The following ANKRD11 variants were observed in gnomAD, a reference collection of about 807,000 sequenced individuals.
The protein encoded by ANKRD11 is ankyrin repeat domain-containing protein 11.
ANKRD11 carries 17 observed loss-of-function variants against 195.7 expected under a neutral mutation model. The ratio of observed to expected loss-of-function variants is 0.09; its 90% CI spans 0.06 to 0.13. The LOEUF (loss-of-function observed/expected upper bound fraction) is 0.13. Ranked by LOEUF, ANKRD11 falls within the 10% of genes least tolerant of loss-of-function variation. The probability of loss-of-function intolerance (pLI) is 1.00; values close to 1 mark genes in which losing one functional copy is unlikely to be tolerated. For missense variants in ANKRD11, 3,735 were observed against 3,566.1 expected (o/e 1.05, Z -1.21); for synonymous variants, 1,953 against 1,528.1 (o/e 1.28, Z -6.49).
chr16:89,300,690 A>T (rs1051298756), intron 4 of ANKRD11: 1 of 541,696 alleles, frequency 1.8e-6, no homozygotes, highest in African/African-American at 2.0e-5. Flanking sequence ...TATCTGAGGC[A>T]CCAGGAACAA....
intron 3 of ANKRD11, among the ~76,000 whole-genome samples, chr16:89,314,268 A>AACAACAACAAC (rs1208347881): frequency 3.4e-5 from 5 of 146,780 alleles, no homozygotes; most frequent in African/African-American, 5.4e-5. Flanking sequence ...CAAACAAACA[A>AACAACAACAAC]ACAACAACAA....
chr16:89,270,501 G>T, intron 12 of ANKRD11: 1 of 427,938 alleles, frequency 2.3e-6, no homozygotes, highest in East Asian at 5.0e-5. Flanking sequence ...GAGGGTGAAT[G>T]CTGGGACCTT....
At chr16:89,429,011 C>A (rs2042851482) in intron 1 of ANKRD11, among the ~76,000 whole-genome samples, 2 of 152,048 alleles carry the variant, frequency 1.3e-5, no homozygotes, top group South Asian at 4.1e-4. Flanking sequence ...ATGCAATGAA[C>A]AGAATGTAAA....
chr16:89,322,510 G>A (rs921478386), intron 2 of ANKRD11, among the ~76,000 whole-genome samples: 1 of 152,232 alleles, frequency 6.6e-6, no homozygotes, highest in Non-Finnish European at 1.5e-5. Context: ...AGAGGCCCAG[G>A]AGGAGGAAGA....
chr16:89,487,651 G>A (rs940228333), intron 1 of ANKRD11, among the ~76,000 whole-genome samples: 2 of 152,034 alleles, frequency 1.3e-5, no homozygotes, highest in Admixed American at 6.6e-5. Context: ...GTGGGCGCCT[G>A]TAATCCCAGC....
intron 2 of ANKRD11, among the ~76,000 whole-genome samples, chr16:89,402,840 G>C (rs1029778623): frequency 6.6e-6 from 1 of 150,416 alleles, no homozygotes; most frequent in African/African-American, 2.5e-5. Context: ...ACTGCGGGAG[G>C]AGGTGGGCGG....
At chr16:89,358,071 G>A (rs1038833986) in intron 2 of ANKRD11, among the ~76,000 whole-genome samples, 4 of 152,192 alleles carry the variant, frequency 2.6e-5, no homozygotes, top group African/African-American at 9.7e-5. Context: ...AAGTGAGTGA[G>A]GCACCAGATG....
chr16:89,330,397 G>A (rs1228131863), intron 2 of ANKRD11, among the ~76,000 whole-genome samples: 1 of 152,010 alleles, frequency 6.6e-6, no homozygotes, highest in Non-Finnish European at 1.5e-5. Context: ...TTCCCAGGTG[G>A]CCGCTCGCAC....
chr16:89,361,098 G>A (rs1187743453), intron 2 of ANKRD11, among the ~76,000 whole-genome samples: 1 of 152,154 alleles, frequency 6.6e-6, no homozygotes, highest in Non-Finnish European at 1.5e-5. Context: ...TACTCTCATT[G>A]TGGAAACCTG....
At chr16:89,289,954 C>T (rs1213614744) in intron 6 of ANKRD11, among the ~76,000 whole-genome samples, 1 of 152,238 alleles carries the variant, frequency 6.6e-6, no homozygotes. Context: ...CGCTTGAGCC[C>T]AGGAGTTCAA....
intron 1 of ANKRD11, among the ~76,000 whole-genome samples, chr16:89,462,402 A>G (rs75118850): frequency 9.9e-5 from 15 of 152,168 alleles, no homozygotes; most frequent in African/African-American, 3.1e-4. Context: ...GTGCAGTGGC[A>G]TGATCTCGGC....
intron 3 of ANKRD11, among the ~76,000 whole-genome samples, chr16:89,309,666 G>A (rs577492144): frequency 1.3e-5 from 2 of 152,214 alleles, no homozygotes; most frequent in African/African-American, 4.8e-5. Flanking sequence ...ATCCACCTGG[G>A]CTCAGAGCCT....
intron 2 of ANKRD11, among the ~76,000 whole-genome samples, chr16:89,331,523 T>C (rs908497166): frequency 6.6e-6 from 1 of 152,326 alleles, no homozygotes; most frequent in Admixed American, 6.5e-5. Flanking sequence ...AAAGAACTGC[T>C]GAAGAAAATG....
In ANKRD11 at chr16:89,281,011, G is replaced by A. The variant is rs1229326250; in HGVS notation, c.5531C>T (p.Ala1844Val). The change falls in exon 9 of 13, where the codon GCC becomes GTC. Residue 1844 changes from alanine to valine, a missense_variant. Physicochemically the swap from Ala to Val is moderately conservative, Grantham distance 64. Coordinates refer to ENST00000301030, the MANE Select transcript of ANKRD11 (RefSeq NM_013275.6). This position sits in a 1 kb window ranked among gnomAD's most constrained non-coding sequence, Gnocchi z 5.5. Reference sequence around the variant, plus strand: ...GGAGTAGTACCCTGGCGACAAGCAGGCAAACTTCTCCGCGGGAACCGGGGG... The same window carrying A: ...GGAGTAGTACCCTGGCGACAAGCAGACAAACTTCTCCGCGGGAACCGGGGG... ...PLPPVPAEKF[A>V]CLSPGYYSPD... is the part of the protein sequence containing the mutation. 6.3e-7 allele frequency: 1 copy of A among 1,586,558 alleles called. No individual in the cohort carries two copies. Among genetic ancestry groups the A allele is most frequent in the Non-Finnish European group, 8.6e-7 (1 of 1,164,784 alleles).
At chr16:89,320,500 GGGCC>G (rs1409619875) in intron 2 of ANKRD11, 1 of 152,236 alleles carries the variant, frequency 6.6e-6, no homozygotes, top group Non-Finnish European at 1.5e-5. Flanking sequence ...CAGAGCCGAG[GGGCC>G]GGCCAGCACC....
chr16:89,479,164 G>C (rs1244651434), intron 1 of ANKRD11, among the ~76,000 whole-genome samples: 5 of 151,828 alleles, frequency 3.3e-5, no homozygotes, highest in African/African-American at 4.8e-5. Flanking sequence ...CCCAGTCCCT[G>C]AAGATTCAGG....
intron 2 of ANKRD11, among the ~76,000 whole-genome samples, chr16:89,361,084 C>T (rs2039709681): frequency 6.6e-6 from 1 of 152,208 alleles, no homozygotes; most frequent in African/African-American, 2.4e-5. Context: ...GCAATGGCAC[C>T]TCCTACTCTC....
At chr16:89,418,750 T>A (rs1156637201) in intron 1 of ANKRD11, among the ~76,000 whole-genome samples, 1 of 150,928 alleles carries the variant, frequency 6.6e-6, no homozygotes, top group African/African-American at 2.4e-5. Flanking sequence ...ACCAGTAAGC[T>A]AAGTTTTTAA....
intron 2 of ANKRD11, among the ~76,000 whole-genome samples, chr16:89,353,971 G>C (rs1216993169): frequency 6.6e-6 from 1 of 152,150 alleles, no homozygotes; most frequent in African/African-American, 2.4e-5. Flanking sequence ...GGCGGAGCTG[G>C]CTTCCAGCCT....
Sources: allele counts gnomAD v4.1 joint callset (sites outside exome capture counted in the v4.1 genomes callset), GRCh38; gene constraint gnomAD v4.1.1; non-coding constraint Gnocchi (gnomAD v3.1); transcripts MANE v1.5; gene names NCBI Gene and HGNC (gene_info 2026-07-23, HGNC 2026-07-21).